CHODL: variants seen among roughly 807,000 people sequenced by gnomAD.
CHODL encodes the protein transmembrane protein MT75.
Under a neutral mutation model 34.5 loss-of-function variants are expected in CHODL, and 29 were observed. That is an observed-to-expected ratio of 0.84 (90% CI 0.63 to 1.15). The LOEUF (loss-of-function observed/expected upper bound fraction) is 1.15. Ranked by LOEUF, CHODL falls within the 50% of genes most tolerant of loss-of-function variation. CHODL has a pLI of 0.00. For missense variants in CHODL, 332 were observed against 332.5 expected (o/e 1.00, Z 0.01); for synonymous variants, 125 against 116.1 (o/e 1.08, Z -0.49).
At chr21:18,058,075 C>T (rs1295196405) in intron 2 of CHODL, among the ~76,000 whole-genome samples, 6 of 152,088 alleles carry the variant, frequency 3.9e-5, no homozygotes, top group Non-Finnish European at 7.4e-5. Flanking sequence ...ACTTATTCCT[C>T]CTATCCATCT....
chr21:18,097,817 A>G (rs2065158122), intron 2 of CHODL, among the ~76,000 whole-genome samples: 1 of 152,142 alleles, frequency 6.6e-6, no homozygotes, highest in Non-Finnish European at 1.5e-5. Context: ...ACTTAAAATT[A>G]TGCTATAGAG....
At chr21:17,922,772 A>G (rs960253816) in intron 1 of CHODL, among the ~76,000 whole-genome samples, 5 of 152,162 alleles carry the variant, frequency 3.3e-5, no homozygotes, top group African/African-American at 1.2e-4. Flanking sequence ...CGAACTCTGA[A>G]TATCTGAGAC....
At chr21:17,949,749 TG>T (rs2063440919) in intron 1 of CHODL, among the ~76,000 whole-genome samples, 1 of 152,172 alleles carries the variant, frequency 6.6e-6, no homozygotes, top group African/African-American at 2.4e-5. Flanking sequence ...GAGAGATGGA[TG>T]GGCAACCAGA....
intron 2 of CHODL, among the ~76,000 whole-genome samples, chr21:18,173,238 T>G (rs149472782): frequency 1.2e-3 from 184 of 152,246 alleles, no homozygotes; most frequent in Admixed American, 2.9e-3. Context: ...CTTTGTCACT[T>G]AACACGATAT....
chr21:17,924,556 C>T (rs1420832669), intron 1 of CHODL, among the ~76,000 whole-genome samples: 3 of 152,206 alleles, frequency 2.0e-5, no homozygotes, highest in African/African-American at 7.2e-5. Context: ...CAGCTTCATC[C>T]TATTTGCCCA....
intron 2 of CHODL, among the ~76,000 whole-genome samples, chr21:18,118,887 A>G (rs1465190639): frequency 6.6e-6 from 1 of 152,120 alleles, no homozygotes; most frequent in African/African-American, 2.4e-5. Flanking sequence ...ATGCTTTCAC[A>G]TACATTTTTC....
intron 1 of CHODL, among the ~76,000 whole-genome samples, chr21:18,000,747 T>C (rs1318380410): frequency 6.6e-6 from 1 of 152,190 alleles, no homozygotes; most frequent in Non-Finnish European, 1.5e-5. Flanking sequence ...ACACTGGTAA[T>C]AAATTATTAA....
At chr21:18,134,158 A>C (rs1601049019) in intron 2 of CHODL, among the ~76,000 whole-genome samples, 1 of 152,118 alleles carries the variant, frequency 6.6e-6, no homozygotes, top group South Asian at 2.1e-4. Flanking sequence ...ATATATTCAC[A>C]TCTATGTTCT....
At chr21:18,224,976 T>C (rs2073917760) in intron 2 of CHODL, among the ~76,000 whole-genome samples, 1 of 152,146 alleles carries the variant, frequency 6.6e-6, no homozygotes, top group Non-Finnish European at 1.5e-5. Context: ...GTTCACTTTG[T>C]GACGGTAAAT....
At chr21:18,116,033 T>C (rs1011576676) in intron 2 of CHODL, among the ~76,000 whole-genome samples, 1 of 152,186 alleles carries the variant, frequency 6.6e-6, no homozygotes, top group East Asian at 1.9e-4. Context: ...CCTACTTTTC[T>C]CCTTGAGAAT....
chr21:18,214,439 A>T (rs1271825003), intron 2 of CHODL, among the ~76,000 whole-genome samples: 1 of 152,112 alleles, frequency 6.6e-6, no homozygotes, highest in East Asian at 1.9e-4. Flanking sequence ...CACCTAGCGA[A>T]ATTCTTCCCA....
chr21:17,951,797 A>G (rs1289229818), intron 1 of CHODL, among the ~76,000 whole-genome samples: 1 of 152,228 alleles, frequency 6.6e-6, no homozygotes, highest in Non-Finnish European at 1.5e-5. Flanking sequence ...GCACAGAGAG[A>G]AATAAATTGA....
At chr21:18,216,731 T>C (rs956417062) in intron 2 of CHODL, among the ~76,000 whole-genome samples, 15 of 152,132 alleles carry the variant, frequency 9.9e-5, no homozygotes, top group African/African-American at 3.6e-4. Context: ...CTTACAATTA[T>C]GGTGGAAGGC....
chr21:18,017,620 C>G (rs1172280941), intron 1 of CHODL, among the ~76,000 whole-genome samples: 1 of 152,142 alleles, frequency 6.6e-6, no homozygotes, highest in Non-Finnish European at 1.5e-5. Context: ...GTATGAAAAG[C>G]CTAGGTTTTC....
intron 2 of CHODL, among the ~76,000 whole-genome samples, chr21:18,145,832 A>G (rs996663690): frequency 3.3e-5 from 5 of 152,254 alleles, no homozygotes; most frequent in African/African-American, 9.6e-5. Context: ...GATCTTTTAC[A>G]TAGATGCATG....
chr21:17,971,374 T>C (rs1386280807), intron 1 of CHODL, among the ~76,000 whole-genome samples: 1 of 152,198 alleles, frequency 6.6e-6, no homozygotes, highest in Non-Finnish European at 1.5e-5. Context: ...TTTCTATTTC[T>C]CCACATCCTC....
intron 1 of CHODL, among the ~76,000 whole-genome samples, chr21:18,000,282 C>T: frequency 6.6e-6 from 1 of 151,982 alleles, no homozygotes; most frequent in East Asian, 1.9e-4. Flanking sequence ...AAGGATGATC[C>T]TTTCACTACA....
In CHODL at chr21:18,043,577, A is replaced by T. The variant is rs185664723; in HGVS notation, c.-45+15606A>T. ...CCAAGTGGCCATTCTTTCCATTCTC[A>T]CTAGAACGTGCTTAGGTTCCAGAAG... On this transcript the variant is annotated intron_variant, in intron 2 of 6. Transcript: ENST00000400127. Among the ~76,000 whole-genome samples, 8 of 151,940 alleles carry T rather than the reference A, an allele frequency of 5.3e-5. No homozygotes were observed. In the East Asian group the frequency reaches 1.4e-3, roughly 26 times the overall value.
At chr21:18,017,349 G>A (rs2064085133) in intron 1 of CHODL, among the ~76,000 whole-genome samples, 1 of 152,196 alleles carries the variant, frequency 6.6e-6, no homozygotes, top group South Asian at 2.1e-4. Flanking sequence ...TAGTGAGGGA[G>A]TTTTCACATT....
Sources: allele counts gnomAD v4.1 joint callset (sites outside exome capture counted in the v4.1 genomes callset), GRCh38; gene constraint gnomAD v4.1.1; transcripts MANE v1.5; gene names NCBI Gene and HGNC (gene_info 2026-07-23, HGNC 2026-07-21).